Variants in EDA observed in about 807,000 individuals in gnomAD.
EDA encodes the protein ectodysplasin-A.
A neutral mutation model predicts 23.6 loss-of-function variants in EDA; 2 were observed. The observed-to-expected ratio is 0.08, with a 90% confidence interval of 0.03 to 0.27. The LOEUF is 0.27. Ranked by LOEUF, EDA falls within the 10% of genes least tolerant of loss-of-function variation. The pLI, the probability that EDA is intolerant of heterozygous loss-of-function variation, is 1.00. For synonymous variants in EDA, 131 were observed against 132.0 expected, an observed-to-expected ratio of 0.99 and a Z score of 0.05; for missense variants, 229 against 324.2, an observed-to-expected ratio of 0.71 and a Z score of 2.26.
At chrX:69,968,253 C>T (rs2019201864) in intron 2 of EDA, among the ~76,000 whole-genome samples, 1 of 112,146 alleles carries the variant, frequency 8.9e-6, no homozygotes, top group African/African-American at 3.2e-5. Flanking sequence ...ACATTAAATA[C>T]ATCTCTGAGG....
At chrX:69,738,464 T>C (rs759634357) in intron 1 of EDA, among the ~76,000 whole-genome samples, 6 of 109,334 alleles carry the variant, frequency 5.5e-5, no homozygotes, top group African/African-American at 2.0e-4. Flanking sequence ...TCTGGTTTTA[T>C]TGATTTTCTC....
chrX:69,697,610 G>A (rs2011393270), intron 1 of EDA, among the ~76,000 whole-genome samples: 2 of 111,650 alleles, frequency 1.8e-5, no homozygotes, highest in Admixed American at 9.5e-5. Flanking sequence ...ATTGTCTGGT[G>A]GTTAACTGTA....
intron 1 of EDA, among the ~76,000 whole-genome samples, chrX:69,883,663 G>A: frequency 8.9e-6 from 1 of 111,858 alleles, no homozygotes; most frequent in Middle Eastern, 4.6e-3. Context: ...CTTTTTTAAT[G>A]GGAGGTTTAT....
chrX:70,035,753 A>G lies in EDA; in HGVS notation c.*144A>G, dbSNP rs1254002127. 1 of 763,293 alleles carries G rather than the reference A, an allele frequency of 1.3e-6. No homozygotes were observed. Among genetic ancestry groups the G allele is most frequent in the Non-Finnish European group, 1.9e-6 (1 of 528,431 alleles). 62.9% of individuals were successfully genotyped at this position (763,293 alleles called of 1,213,427 possible). A position where few individuals can be genotyped will look rare whatever the true frequency, so the allele number is the denominator to read the frequency against. On this transcript the variant is annotated 3_prime_UTR_variant, in exon 8 of 8. Transcript: ENST00000374552. Reference sequence around the variant, plus strand: ...CCCCAGTGTTATTTATTCCCCAGTGACTCCAGGGTGACAAGGCCTGCTTGA... The same window carrying G: ...CCCCAGTGTTATTTATTCCCCAGTGGCTCCAGGGTGACAAGGCCTGCTTGA...
At chrX:69,905,639 A>G (rs2018166092) in intron 1 of EDA, among the ~76,000 whole-genome samples, 1 of 111,771 alleles carries the variant, frequency 8.9e-6, no homozygotes, top group African/African-American at 3.2e-5. Context: ...ACAGATTGCT[A>G]CTGTGTGAGG....
chrX:69,795,330 ATACT>A (rs1253111755), intron 1 of EDA, among the ~76,000 whole-genome samples: 2 of 112,374 alleles, frequency 1.8e-5, no homozygotes, highest in Non-Finnish European at 3.8e-5. Flanking sequence ...AGCCTCTGAC[ATACT>A]TAATAACTGT....
At chrX:69,869,840 T>G (rs1480481032) in intron 1 of EDA, among the ~76,000 whole-genome samples, 1 of 112,100 alleles carries the variant, frequency 8.9e-6, no homozygotes, top group Non-Finnish European at 1.9e-5. Context: ...TTATTCCCAT[T>G]GTATTTGAAT....
chrX:69,976,540 C>CT (rs759494389), intron 2 of EDA, among the ~76,000 whole-genome samples: 43 of 112,107 alleles, frequency 3.8e-4, no homozygotes, highest in Non-Finnish European at 3.6e-4. Context: ...CCTAATACCC[C>CT]TTGGGAAAAT....
At chrX:69,929,288 C>A (rs1483456104) in intron 1 of EDA, among the ~76,000 whole-genome samples, 1 of 111,314 alleles carries the variant, frequency 9.0e-6, no homozygotes, top group East Asian at 2.8e-4. Flanking sequence ...CAATTTAAGA[C>A]CCCAGCAAGA....
chrX:70,031,994 C>T (rs1318903148), intron 6 of EDA, among the ~76,000 whole-genome samples: 1 of 111,155 alleles, frequency 9.0e-6, no homozygotes, highest in Non-Finnish European at 1.9e-5. Flanking sequence ...TGCAGTGACT[C>T]ACACCTGTAA....
chrX:69,777,745 A>T (rs2014828536), intron 1 of EDA, among the ~76,000 whole-genome samples: 1 of 111,771 alleles, frequency 8.9e-6, no homozygotes, highest in Non-Finnish European at 1.9e-5. Context: ...CCCCCAAATT[A>T]TTAAAGTTCT....
chrX:69,922,785 A>G (rs1434266628), intron 1 of EDA, among the ~76,000 whole-genome samples: 2 of 112,183 alleles, frequency 1.8e-5, no homozygotes, highest in Non-Finnish European at 3.8e-5. Flanking sequence ...ACTAAAGTGA[A>G]TGCTAAGTCA....
intron 2 of EDA, among the ~76,000 whole-genome samples, chrX:69,980,698 T>G (rs1035378969): frequency 8.9e-6 from 1 of 112,346 alleles, no homozygotes; most frequent in Non-Finnish European, 1.9e-5. Context: ...TATCATTGAT[T>G]ACATTCCTAC....
At chrX:69,818,244 A>G (rs998054605) in intron 1 of EDA, among the ~76,000 whole-genome samples, 16 of 111,484 alleles carry the variant, frequency 1.4e-4, no homozygotes, top group Non-Finnish European at 3.8e-5. Flanking sequence ...AATTTATACC[A>G]CTAAATGCCC....
intron 1 of EDA, among the ~76,000 whole-genome samples, chrX:69,632,019 A>G (rs1358230644): frequency 8.9e-6 from 1 of 111,894 alleles, no homozygotes; most frequent in Non-Finnish European, 1.9e-5. Context: ...ATAGTATGCT[A>G]CCTTATAATA....
intron 1 of EDA, among the ~76,000 whole-genome samples, chrX:69,935,582 C>T (rs6624448): frequency 0.092 from 10,226 of 111,193 alleles, 1,079 homozygotes; most frequent in East Asian, 0.7. Flanking sequence ...AGTTACAGCA[C>T]TGTAATATCA....
At chrX:69,696,600 TG>T (rs1379698139) in intron 1 of EDA, among the ~76,000 whole-genome samples, 1 of 112,132 alleles carries the variant, frequency 8.9e-6, no homozygotes, top group African/African-American at 3.2e-5. Flanking sequence ...GTACAACGGT[TG>T]TTTTCCTTTT....
intron 1 of EDA, among the ~76,000 whole-genome samples, chrX:69,955,757 T>C (rs2018990838): frequency 8.9e-6 from 1 of 111,922 alleles, no homozygotes; most frequent in Non-Finnish European, 1.9e-5. Flanking sequence ...CAAAGTACTA[T>C]TATTATCCCT....
At chrX:69,991,785 C>T (rs781236664) in intron 2 of EDA, among the ~76,000 whole-genome samples, 11 of 112,091 alleles carry the variant, frequency 9.8e-5, no homozygotes, top group Non-Finnish European at 1.9e-4. Flanking sequence ...GCCTGTGTTG[C>T]CTTCTGCCAT....
Sources: gnomAD v4.1 joint callset for allele counts (sites outside exome capture counted in the v4.1 genomes callset) on GRCh38, gnomAD v4.1.1 for gene constraint, MANE v1.5 for transcripts, NCBI Gene and HGNC (gene_info 2026-07-23, HGNC 2026-07-21) for gene names.